The following CLPTM1L variants were observed in gnomAD, a reference collection of about 807,000 sequenced individuals.
The protein encoded by CLPTM1L is lipid scramblase CLPTM1L.
In CLPTM1L, 38 loss-of-function variants were observed where a neutral mutation model predicts 70.9. That is an observed-to-expected ratio of 0.54 (90% confidence interval 0.41 to 0.70). CLPTM1L has a LOEUF of 0.70. Ranked by LOEUF, CLPTM1L falls within the 30% of genes least tolerant of loss-of-function variation. CLPTM1L has a pLI of 0.00. For missense variants in CLPTM1L, 652 were observed against 705.9 expected, an observed-to-expected ratio of 0.92 and a Z score of 0.87; for synonymous variants, 339 against 299.9, an observed-to-expected ratio of 1.13 and a Z score of -1.35.
At chr5:1,338,421 C>A (rs1049850438) in intron 4 of CLPTM1L, 2 of 271,666 alleles carry the variant, frequency 7.4e-6, no homozygotes, top group Non-Finnish European at 1.4e-5. Context: ...GGGGGGGATC[C>A]CCAACACATG....
At chr5:1,338,348 T>C in intron 4 of CLPTM1L, 1 of 305,560 alleles carries the variant, frequency 3.3e-6, no homozygotes, top group South Asian at 4.3e-5. Flanking sequence ...ATGTGGCCAC[T>C]ACACTTGGAA....
At chr5:1,344,655 G>A (rs562960823) in intron 1 of CLPTM1L, 25 bp downstream of exon 1, 49 of 1,542,932 alleles carry the variant, frequency 3.2e-5, no homozygotes, top group East Asian at 2.0e-4. Flanking sequence ...CAACCCGCCC[G>A]GCCCCCGGCC....
intron 5 of CLPTM1L, among the ~76,000 whole-genome samples, chr5:1,336,344 T>C (rs460073): frequency 0.46 from 69,514 of 152,088 alleles, 16,823 homozygotes; most frequent in African/African-American, 0.59. Flanking sequence ...GACTGTGATT[T>C]GGGGGAAAAG....
chr5:1,336,770 T>C (rs1446200607), intron 5 of CLPTM1L, among the ~76,000 whole-genome samples: 2 of 152,108 alleles, frequency 1.3e-5, no homozygotes, highest in Non-Finnish European at 2.9e-5. Context: ...CTGCAGGTTG[T>C]ATAGGAGCAA....
intron 1 of CLPTM1L, 32 bp from the exon 2 acceptor site, chr5:1,344,483 G>C (rs1048126274): frequency 1.9e-6 from 3 of 1,584,896 alleles, no homozygotes; most frequent in African/African-American, 1.3e-5. Context: ...GAGTCAGCTC[G>C]GCCAGGCCCT....
At chr5:1,321,057 GAGCCAAGGTTAGAGCCGCCCGAGACCAC>G (rs1399809015) in intron 15 of CLPTM1L, among the ~76,000 whole-genome samples, 2 of 152,302 alleles carry the variant, frequency 1.3e-5, no homozygotes, top group Admixed American at 6.5e-5. Flanking sequence ...CCTGAGACCA[GAGCCAAGGTTAGAGCCGCCCGAGACCAC>G]AGCCAAGGGG....
intron 9 of CLPTM1L, chr5:1,326,262 T>C (rs995710094): frequency 7.1e-5 from 18 of 254,692 alleles, no homozygotes; most frequent in African/African-American, 4.1e-4. Context: ...GACTCGTACC[T>C]ATGGAGGGAC....
At chr5:1,334,186 C>T (rs1295255510) in intron 7 of CLPTM1L, 103 bp downstream of exon 7, 2 of 766,334 alleles carry the variant, frequency 2.6e-6, no homozygotes. Flanking sequence ...GGCCACAGGG[C>T]TGGACGGCGC....
rs1002045112 is a variant in CLPTM1L, at chr5:1,344,523, C to T, written c.163-72G>A. 39 of 1,506,292 alleles carry T rather than the reference C, an allele frequency of 2.6e-5. No homozygotes were observed. In the Middle Eastern group the frequency reaches 6.8e-4, roughly 26 times the overall value. 93.3% of individuals were successfully genotyped at this position (1,506,292 alleles called of 1,614,324 possible). The stretch of plus-strand genomic sequence containing the variant: ...GGACGCACTCAAATCCCACGGCCAG[C>T]TGGAGGGCGGAAGACCTGGCCGCTG... On this transcript the variant is annotated intron_variant, in intron 1 of 16. Coordinates refer to ENST00000320895, the MANE Select transcript of CLPTM1L (RefSeq NM_030782.5).
chr5:1,318,232 T>A lies in CLPTM1L; in HGVS notation c.*137A>T. 1 of 680,812 alleles carries A rather than the reference T, an allele frequency of 1.5e-6. No individual in the cohort carries two copies. Among genetic ancestry groups the A allele is most frequent in the Non-Finnish European group, 2.6e-6 (1 of 391,400 alleles). 42.2% of individuals were successfully genotyped at this position (680,812 alleles called of 1,614,324 possible). A position where few individuals can be genotyped will look rare whatever the true frequency, so the allele number is the denominator to read the frequency against. ...GCTCCAAATCTGACGTGATGGGAAC[T>A]TGGGAGATGTCTGAGAAATGTCCGA... On this transcript the variant is annotated 3_prime_UTR_variant, in exon 17 of 17. Transcript: ENST00000320895. This position sits in a 1 kb window ranked among gnomAD's most constrained non-coding sequence, Gnocchi z 8.9.
At chr5:1,323,007 A>AATTC in intron 12 of CLPTM1L, 96 bp from the exon 13 acceptor site, 1 of 1,258,098 alleles carries the variant, frequency 7.9e-7, no homozygotes, top group Non-Finnish European at 1.2e-6. Context: ...AAATCCTCTG[A>AATTC]AAATACCCAG....
At chr5:1,327,156 C>T (rs1291360024) in intron 9 of CLPTM1L, among the ~76,000 whole-genome samples, 3 of 150,844 alleles carry the variant, frequency 2.0e-5, no homozygotes, top group Non-Finnish European at 2.9e-5. Context: ...TCCAGCTCCT[C>T]CTCTACAGGC....
At chr5:1,320,990 G>A (rs996231388) in intron 15 of CLPTM1L, among the ~76,000 whole-genome samples, 10 of 152,204 alleles carry the variant, frequency 6.6e-5, no homozygotes, top group Admixed American at 6.5e-4. Context: ...CAAAGAGAAT[G>A]GCCTGAAACC....
chr5:1,329,510 C>A (rs1225456209), intron 9 of CLPTM1L, among the ~76,000 whole-genome samples: 6 of 141,464 alleles, frequency 4.2e-5, no homozygotes, highest in African/African-American at 1.4e-4. Context: ...CCTCAGGACT[C>A]TCTGCTTGGT....
rs1579619499 is a variant in CLPTM1L at position 1,322,783 on chromosome 5, G to C, written c.1315+94C>G. On this transcript the variant is annotated intron_variant, in intron 13 of 16. Coordinates refer to ENST00000320895, the MANE Select transcript of CLPTM1L (RefSeq NM_030782.5). ...GGGGAGGGATTAGCCTCAAATCACA[G>C]GGGGGCTTGCCACACTGGGTTTCAA... 3 of 1,313,930 alleles carry C rather than the reference G, an allele frequency of 2.3e-6. No individual in the cohort carries two copies. The East Asian group carries it at 6.9e-5, about 30-fold the overall frequency. The allele number at this position is 1,313,930 out of a possible 1,614,324, so 81.4% of individuals were successfully genotyped here. A position where few individuals can be genotyped will look rare whatever the true frequency, so the allele number is the denominator to read the frequency against.
At chr5:1,338,076 T>C (rs1277713894) in intron 4 of CLPTM1L, 94 bp from the exon 5 acceptor site, 6 of 1,021,188 alleles carry the variant, frequency 5.9e-6, no homozygotes, top group Non-Finnish European at 9.0e-6. Context: ...CCCAGAGAAG[T>C]GCCCCCAGCA....
rs994259555 is a variant in CLPTM1L, at chr5:1,318,861, G to A, written c.1533-408C>T. On this transcript the variant is annotated intron_variant, in intron 16 of 16. Coordinates refer to ENST00000320895, the MANE Select transcript of CLPTM1L (RefSeq NM_030782.5). This position sits in a 1 kb window ranked among gnomAD's most constrained non-coding sequence, Gnocchi z 8.9. ...TGTGAACACTTGGCAGGACACTGCC[G>A]CCGCCTTTGATCCTGAGCGCCCCGG... Among the ~76,000 whole-genome samples the A allele has an allele frequency of 7.9e-5, 12 of 152,204 alleles. No individual in the cohort carries two copies. The highest frequency in any genetic ancestry group is 2.9e-4 in the African/African-American group (12 of 41,452).
intron 5 of CLPTM1L, 70 bp downstream of exon 5, chr5:1,337,834 G>C: frequency 2.4e-6 from 3 of 1,241,114 alleles, no homozygotes. Context: ...TAGGGTGCAG[G>C]GGCTGCGGGG....
rs1409934834 is a variant in CLPTM1L at position 1,337,960 on chromosome 5, G to A, written c.622C>T (p.His208Tyr). The A allele has an allele frequency of 6.2e-6, 10 of 1,607,594 alleles. No individual in the cohort carries two copies. The highest frequency in any genetic ancestry group is 1.1e-5 in the South Asian group (1 of 88,920). The change falls in exon 5 of 17, where the codon CAT (histidine) becomes TAT (tyrosine). Residue 208 changes from histidine to tyrosine, a missense_variant. His to Tyr is a moderately conservative substitution (Grantham distance 83, BLOSUM62 2). Around this residue, in one of 3 missense-constraint regions of CLPTM1L, gnomAD observed 402 missense variants for 388.2 expected, o/e 1.04. Transcript: ENST00000320895. ...MKMIQLGKTV[H>Y]YLPILFIDQL... ...TCGATGAACAGGATGGGCAGGTAAT[G>A]CACGGTTTTCCCCAGCTGGATCCTG...
Sources: gnomAD v4.1 joint callset for allele counts (sites outside exome capture counted in the v4.1 genomes callset) on GRCh38, gnomAD v4.1.1 for gene constraint, gnomAD v4.1.1 regional missense constraint, Gnocchi (gnomAD v3.1) non-coding constraint, MANE v1.5 for transcripts, NCBI Gene and HGNC (gene_info 2026-07-23, HGNC 2026-07-21) for gene names.